Variants in P2RY14 observed in about 807,000 individuals in gnomAD.
P2RY14 encodes purinergic receptor P2Y14.
In P2RY14, 2 loss-of-function variants were observed where a neutral mutation model predicts 0.9. The observed-to-expected ratio is 2.16, with a 90% CI of 0.88 to 6.79. The LOEUF (loss-of-function observed/expected upper bound fraction) is 6.79. Ranked by LOEUF, P2RY14 falls within the 30% of genes most tolerant of loss-of-function variation. The pLI is 0.05. For synonymous variants in P2RY14, 158 were observed against 147.2 expected (o/e 1.07, Z -0.53); for missense variants, 378 against 400.1 (o/e 0.94, Z 0.47).
chr3:151,233,270 A>G (rs1041307378), intron 1 of P2RY14, among the ~76,000 whole-genome samples: 2 of 152,184 alleles, frequency 1.3e-5, no homozygotes, highest in Non-Finnish European at 2.9e-5. Context: ...CTGTCTTGTC[A>G]TCTCTTATTC....
rs1250814831 is a variant in P2RY14 at position 151,220,150 on chromosome 3, G to T, written c.-132-508C>A. Among the ~76,000 whole-genome samples, 3 of 148,606 alleles carry T rather than the reference G, an allele frequency of 2.0e-5. No homozygotes were observed. The East Asian group carries it at 5.9e-4, about 29-fold the overall frequency. On this transcript the variant is annotated intron_variant, in intron 1 of 2. Transcript: ENST00000309170. ...ATGCCAGTAACCCACTACCCAAGTT[G>T]CGGTAATCAAAAATGTTTCTAGACT... is the stretch of plus-strand genomic sequence containing the variant.
At chr3:151,263,824 T>C (rs1421154990) in intron 1 of P2RY14, among the ~76,000 whole-genome samples, 4 of 152,118 alleles carry the variant, frequency 2.6e-5, no homozygotes, top group African/African-American at 9.7e-5. Context: ...TGTTAAATGG[T>C]AATAATTCTC....
At chr3:151,233,937 A>G (rs759983033) in intron 1 of P2RY14, among the ~76,000 whole-genome samples, 1 of 152,230 alleles carries the variant, frequency 6.6e-6, no homozygotes, top group Non-Finnish European at 1.5e-5. Flanking sequence ...AAAATTGTTC[A>G]TGCTATATGT....
intron 1 of P2RY14, among the ~76,000 whole-genome samples, chr3:151,232,163 T>A (rs1357931383): frequency 1.3e-5 from 2 of 152,170 alleles, no homozygotes; most frequent in East Asian, 3.9e-4. Context: ...AATTGATGTT[T>A]CTTGTTCTAT....
intron 1 of P2RY14, among the ~76,000 whole-genome samples, chr3:151,254,803 A>G (rs1737515761): frequency 6.6e-6 from 1 of 152,228 alleles, no homozygotes; most frequent in Admixed American, 6.5e-5. Flanking sequence ...CCTCTAGCTT[A>G]CCAGTTTTAG....
intron 1 of P2RY14, among the ~76,000 whole-genome samples, chr3:151,257,142 G>A (rs955831883): frequency 3.3e-5 from 5 of 152,150 alleles, no homozygotes. Flanking sequence ...AAGTTTTCTA[G>A]AACCATTTGG....
At chr3:151,227,716 G>A (rs2870519) in intron 1 of P2RY14, among the ~76,000 whole-genome samples, 152,348 of 152,350 alleles carry the variant, frequency 1, 76,173 homozygotes, top group Non-Finnish European at 1. Context: ...GCCACCCACT[G>A]TTAGCCTTTA....
intron 1 of P2RY14, among the ~76,000 whole-genome samples, chr3:151,245,277 G>A (rs891831363): frequency 7.9e-5 from 12 of 152,100 alleles, no homozygotes; most frequent in African/African-American, 2.9e-4. Flanking sequence ...TATGAGGCCA[G>A]CATCATTCTG....
chr3:151,263,963 G>A (rs181507110), intron 1 of P2RY14, among the ~76,000 whole-genome samples: 41 of 152,302 alleles, frequency 2.7e-4, no homozygotes, highest in Middle Eastern at 3.4e-3. Flanking sequence ...ATGGACAGAG[G>A]CTGAGATCTC....
intron 1 of P2RY14, among the ~76,000 whole-genome samples, chr3:151,247,749 C>G (rs995524304): frequency 2.2e-5 from 3 of 133,498 alleles, no homozygotes; most frequent in African/African-American, 7.9e-5. Context: ...TACCCTAAAA[C>G]TTAATGTATA....
chr3:151,225,279 G>A (rs1577028063), intron 1 of P2RY14, among the ~76,000 whole-genome samples: 1 of 152,162 alleles, frequency 6.6e-6, no homozygotes, highest in South Asian at 2.1e-4. Flanking sequence ...CTTAGCTCCT[G>A]TGTTAGTCTA....
At chr3:151,246,466 G>A (rs575473341) in intron 1 of P2RY14, among the ~76,000 whole-genome samples, 31 of 151,930 alleles carry the variant, frequency 2.0e-4, no homozygotes, top group East Asian at 7.7e-4. Flanking sequence ...AAATAACGCC[G>A]CATATCTACA....
intron 1 of P2RY14, among the ~76,000 whole-genome samples, chr3:151,268,832 C>G (rs1740320942): frequency 6.6e-6 from 1 of 152,140 alleles, no homozygotes; most frequent in Non-Finnish European, 1.5e-5. Context: ...AAAACTAAGA[C>G]CACAAAGCTT....
chr3:151,218,866 CAAAAAAA>C (rs397686351), intron 2 of P2RY14, among the ~76,000 whole-genome samples: 1 of 71,332 alleles, frequency 1.4e-5, no homozygotes, highest in East Asian at 4.2e-4. Flanking sequence ...GACTCAGTCT[CAAAAAAA>C]AAAAAAAAAA....
chr3:151,227,373 T>C (rs1730731092), intron 1 of P2RY14, among the ~76,000 whole-genome samples: 1 of 152,232 alleles, frequency 6.6e-6, no homozygotes, highest in Non-Finnish European at 1.5e-5. Context: ...AATCTGAATT[T>C]CTGCTACAAA....
rs529815467 is a variant in P2RY14 at position 151,213,639 on chromosome 3, C to G, written c.678G>C (p.Ser226=). Residue 226 remains serine, a synonymous_variant, in exon 3 of 3, where the codon TCG becomes TCC. Transcript: ENST00000309170. ...SHLKSSRNST[S]VKKKSSRNIF... ...TGTTGCGGCTAGATTTCTTTTTGAC[C>G]GAAGTGGAATTCCGACTTGACTTAA... The G allele has an allele frequency of 8.1e-6, 13 of 1,614,054 alleles. No individual in the cohort carries two copies. The highest frequency in any genetic ancestry group is 1.1e-5 in the Non-Finnish European group (13 of 1,180,002).
In P2RY14 at chr3:151,213,585, G is replaced by A. The variant is rs1328918222; in HGVS notation, c.732C>T (p.Val244=). The change falls in exon 3 of 3, where the codon GTC becomes GTT. Residue 244 remains valine (V), a synonymous_variant. Coordinates refer to ENST00000309170, the MANE Select transcript of P2RY14 (RefSeq NM_014879.4). ...TGGCAATATGGTAAGGTACAAAACA[G>A]ACAAAAAACACAAACACGATGCTGA... ...NIFSIVFVFF[V]CFVPYHIARI... 6.2e-7 allele frequency: 1 copy of A among 1,614,122 alleles called. No homozygotes were observed. The highest frequency in any genetic ancestry group is 1.1e-5 in the South Asian group (1 of 91,082).
chr3:151,274,970 A>G (rs188933117), intron 1 of P2RY14, among the ~76,000 whole-genome samples: 3 of 152,278 alleles, frequency 2.0e-5, no homozygotes, highest in East Asian at 3.9e-4. Context: ...CAGGATGGAA[A>G]TGTTCTTAGA....
chr3:151,251,314 C>T (rs1310305782), intron 1 of P2RY14, among the ~76,000 whole-genome samples: 3 of 152,152 alleles, frequency 2.0e-5, no homozygotes, highest in African/African-American at 7.2e-5. Flanking sequence ...CTACCCATTA[C>T]CCAAGCTGTC....
Sources: allele counts gnomAD v4.1 joint callset (sites outside exome capture counted in the v4.1 genomes callset), GRCh38; gene constraint gnomAD v4.1.1; transcripts MANE v1.5; gene names NCBI Gene and HGNC (gene_info 2026-07-23, HGNC 2026-07-21).